TET1: variants seen among roughly 807,000 people sequenced by gnomAD.
TET1 encodes the protein methylcytosine dioxygenase TET1.
A neutral mutation model predicts 148.7 loss-of-function variants in TET1; 13 were observed. The observed-to-expected ratio is 0.09, with a 90% CI of 0.06 to 0.14. The LOEUF is 0.14. Ranked by LOEUF, TET1 falls within the 10% of genes least tolerant of loss-of-function variation. TET1 has a pLI of 1.00. For synonymous variants in TET1, 907 were observed against 937.2 expected, an observed-to-expected ratio of 0.97 and a Z score of 0.59; for missense variants, 2,182 against 2,553.8, an observed-to-expected ratio of 0.85 and a Z score of 3.14.
chr10:68,627,800 A>T (rs1238977736), intron 3 of TET1, among the ~76,000 whole-genome samples: 1 of 150,260 alleles, frequency 6.7e-6, no homozygotes, highest in Non-Finnish European at 1.5e-5. Flanking sequence ...GCCAGGCGTG[A>T]TGGCAGGTGC....
intron 2 of TET1, among the ~76,000 whole-genome samples, chr10:68,579,492 C>G (rs1253356318): frequency 6.6e-6 from 1 of 152,242 alleles, no homozygotes; most frequent in African/African-American, 2.4e-5. Flanking sequence ...TTGCACTTCT[C>G]CTAGGCTATG....
intron 4 of TET1, among the ~76,000 whole-genome samples, chr10:68,647,274 T>C (rs2054864654): frequency 6.6e-6 from 1 of 152,182 alleles, no homozygotes; most frequent in East Asian, 1.9e-4. Context: ...TCTCTCAATG[T>C]TGAATGTCTG....
At chr10:68,595,612 CT>C (rs71470530) in intron 2 of TET1, among the ~76,000 whole-genome samples, 796 of 76,490 alleles carry the variant, frequency 0.01, 4 homozygotes, top group African/African-American at 0.033. Flanking sequence ...CACACAGCTT[CT>C]TTTTTTTTTT....
intron 6 of TET1, among the ~76,000 whole-genome samples, chr10:68,659,869 G>A (rs560189277): frequency 1.3e-5 from 2 of 152,048 alleles, no homozygotes; most frequent in Non-Finnish European, 2.9e-5. Flanking sequence ...TCAGAACCCC[G>A]TTGTGTGAAC....
In TET1 at chr10:68,573,982, C is replaced by A; in HGVS notation, c.1644C>A (p.Val548=). 1 of 1,614,162 alleles carries A rather than the reference C, an allele frequency of 6.2e-7. No individual in the cohort carries two copies. The highest frequency in any genetic ancestry group is 1.1e-5 in the South Asian group (1 of 91,076). Residue 548 remains valine (V), a synonymous_variant, in exon 2 of 12, where the codon GTC becomes GTA. Coordinates refer to ENST00000373644, the MANE Select transcript of TET1 (RefSeq NM_030625.3). ...PSKSDRGSSQ[V]SVTSTVHVVN... ...AATCAGACAGAGGGAGCTCCCAGGT[C>A]AGTGTAACCAGCACAGTTCATGTTG... is the stretch of plus-strand genomic sequence containing the variant.
chr10:68,561,814 C>A (rs142872266), intron 1 of TET1, among the ~76,000 whole-genome samples: 26 of 151,350 alleles, frequency 1.7e-4, no homozygotes, highest in African/African-American at 5.8e-4. Flanking sequence ...GGTAATCTTT[C>A]CACGTGAACG....
chr10:68,651,290 A>G (rs1042063125), intron 4 of TET1, among the ~76,000 whole-genome samples: 18 of 152,114 alleles, frequency 1.2e-4, no homozygotes, highest in African/African-American at 4.3e-4. Flanking sequence ...TCTACTAAAA[A>G]ATACAAAAAA....
chr10:68,597,345 A>T (rs1258823699), intron 2 of TET1, among the ~76,000 whole-genome samples: 1 of 152,106 alleles, frequency 6.6e-6, no homozygotes, highest in Non-Finnish European at 1.5e-5. Flanking sequence ...ATCGACTTAA[A>T]TTATACAATT....
intron 11 of TET1, among the ~76,000 whole-genome samples, chr10:68,688,148 G>A (rs1458903697): frequency 6.6e-6 from 1 of 152,110 alleles, no homozygotes; most frequent in Non-Finnish European, 1.5e-5. Flanking sequence ...CCAGGCTGGA[G>A]TACAGTGGCA....
At chr10:68,667,336 A>G (rs1387226703) in intron 7 of TET1, 80 bp downstream of exon 7, 8 of 1,154,330 alleles carry the variant, frequency 6.9e-6, no homozygotes, top group Middle Eastern at 2.0e-4. Flanking sequence ...GCTACCAACT[A>G]TGTATATTAT....
intron 6 of TET1, among the ~76,000 whole-genome samples, chr10:68,657,239 T>A (rs2055037171): frequency 6.6e-6 from 1 of 151,878 alleles, no homozygotes. Context: ...TGCAGTGGCG[T>A]GATCTCGGCT....
chr10:68,630,471 C>T (rs779041198), intron 3 of TET1, among the ~76,000 whole-genome samples: 10 of 152,188 alleles, frequency 6.6e-5, no homozygotes, highest in Non-Finnish European at 1.3e-4. Flanking sequence ...CCTGCCACCA[C>T]GCCCAGCTCA....
chr10:68,573,313 T>C lies in TET1; in HGVS notation c.975T>C (p.Ser325=). Residue 325 remains serine, a synonymous_variant, in exon 2 of 12, where the codon TCT becomes TCC. Coordinates refer to ENST00000373644, the MANE Select transcript of TET1 (RefSeq NM_030625.3). ...TTGGTGGGTCTACGTCTCCTACCTC[T>C]GTAATAAAATTCCTCTTGGCAGGCT... ...LALGGSTSPT[S]VIKFLLAGSK... is the part of the protein sequence containing the mutation. The C allele has an allele frequency of 6.2e-7, 1 of 1,614,122 alleles. No homozygotes were observed.
intron 7 of TET1, among the ~76,000 whole-genome samples, chr10:68,669,891 G>T (rs113057915): frequency 2.0e-5 from 3 of 151,648 alleles, no homozygotes; most frequent in African/African-American, 7.3e-5. Flanking sequence ...TCTCAAACCC[G>T]CCTCAGCCTC....
At position 68,676,076 on chromosome 10, in the gene TET1, T is replaced by C. The variant is rs544102999; in HGVS notation, c.4824+3031T>C. 2.7e-3 allele frequency among the ~76,000 whole-genome samples: 400 copies of C among 150,786 alleles called. 4 individuals carry two copies. Among genetic ancestry groups the C allele is most frequent in the African/African-American group, 9.3e-3 (383 of 40,984 alleles). The stretch of plus-strand genomic sequence containing the variant: ...TTCACCATCTTGGCCAGGCTGGTCT[T>C]GTACTCCTGACCCTGTGATCCACCC... On this transcript the variant is annotated intron_variant, in intron 8 of 11. Coordinates refer to ENST00000373644, the MANE Select transcript of TET1 (RefSeq NM_030625.3).
intron 2 of TET1, among the ~76,000 whole-genome samples, chr10:68,597,594 CAT>C (rs973921566): frequency 2.6e-5 from 4 of 152,176 alleles, no homozygotes; most frequent in Admixed American, 2.6e-4. Context: ...ATAGCCTTAT[CAT>C]ATGATTCAGC....
At position 68,692,034 on chromosome 10, in the gene TET1, A is replaced by G. The variant is rs544354368; in HGVS notation, c.*220A>G. 2 of 512,372 alleles carry G rather than the reference A, an allele frequency of 3.9e-6. No individual in the cohort carries two copies. The highest frequency in any genetic ancestry group is 4.0e-5 in the South Asian group (1 of 25,226). 31.7% of individuals were successfully genotyped at this position (512,372 alleles called of 1,614,324 possible). On this transcript the variant is annotated 3_prime_UTR_variant, in exon 12 of 12. Coordinates refer to ENST00000373644, the MANE Select transcript of TET1 (RefSeq NM_030625.3). The stretch of plus-strand genomic sequence containing the variant: ...CATTTTAAGCAAAAATAAAAGTTTT[A>G]TAGTTTTAAATACATAAAGAAATGT...
rs200007870 is a variant in TET1, at chr10:68,635,890, GC to G, written c.1969-8806del. ...CCTCTAGGAGTAGGCTCATCAAGGG[GC>G]CAAGAGGTGTGAGAGTGAAGCTTCA... On this transcript the variant is annotated intron_variant, in intron 3 of 11. Transcript: ENST00000373644. 2.7e-3 allele frequency among the ~76,000 whole-genome samples: 418 copies of G among 152,266 alleles called. 5 individuals are homozygous for G. The highest frequency in any genetic ancestry group is 0.019 in the East Asian group (101 of 5,186).
chr10:68,610,871 G>A (rs1448467036), intron 3 of TET1, among the ~76,000 whole-genome samples: 2 of 152,058 alleles, frequency 1.3e-5, no homozygotes, highest in African/African-American at 4.8e-5. Flanking sequence ...ACCCAGGCTG[G>A]TCTCAAACTC....
Sources: gnomAD v4.1 joint callset for allele counts (sites outside exome capture counted in the v4.1 genomes callset) on GRCh38, gnomAD v4.1.1 for gene constraint, MANE v1.5 for transcripts, NCBI Gene and HGNC (gene_info 2026-07-23, HGNC 2026-07-21) for gene names.